PTPRN2: variants seen among roughly 807,000 people sequenced by gnomAD.
PTPRN2 encodes the protein receptor-type tyrosine-protein phosphatase N2.
In PTPRN2, 74 loss-of-function variants were observed where a neutral mutation model predicts 118.8. The observed-to-expected ratio is 0.62, with a 90% CI of 0.52 to 0.76. PTPRN2 has a LOEUF of 0.76. PTPRN2 is among the 30% of genes least tolerant of loss of function. The pLI is 0.00. For synonymous variants in PTPRN2, 641 were observed against 608.0 expected, an observed-to-expected ratio of 1.05 and a Z score of -0.80; for missense variants, 1,481 against 1,394.4, an observed-to-expected ratio of 1.06 and a Z score of -0.99.
At chr7:157,584,239 ATC>A (rs1800542942) in intron 17 of PTPRN2, among the ~76,000 whole-genome samples, 1 of 152,094 alleles carries the variant, frequency 6.6e-6, no homozygotes, top group South Asian at 2.1e-4. Context: ...TTCTACTTAG[ATC>A]TTTTGTGATG....
intron 6 of PTPRN2, among the ~76,000 whole-genome samples, chr7:158,164,455 G>A (rs1431847874): frequency 8.6e-5 from 11 of 127,786 alleles, no homozygotes; most frequent in African/African-American, 2.6e-4. Context: ...GGAAGGACAC[G>A]CAGAGCAGGA....
rs1563389127 is a variant in PTPRN2, at chr7:158,071,068, CGTGGTGGTGGAGGTGCCCGTG to C, written c.1723+10209_1723+10229del. Among the ~76,000 whole-genome samples the C allele has an allele frequency of 6.3e-4, 34 of 53,574 alleles. 1 individual carries two copies. Among genetic ancestry groups the C allele is most frequent in the African/African-American group, 2.4e-3 (20 of 8,470 alleles). The allele number at this position is 53,574 out of a possible 152,430, so 35.1% of individuals were successfully genotyped here. The stretch of plus-strand genomic sequence containing the variant: ...AGGTGCTCATGGTGGTGGAGGTGCT[CGTGGTGGTGGAGGTGCCCGTG>C]GTGGTGGAGGTGCTCGTGGTGGTGG... On this transcript the variant is annotated intron_variant, in intron 11 of 22. Transcript: ENST00000389418.
At chr7:158,147,498 C>T (rs1398572741) in intron 6 of PTPRN2, among the ~76,000 whole-genome samples, 2 of 118,192 alleles carry the variant, frequency 1.7e-5, no homozygotes, top group Non-Finnish European at 1.7e-5. Context: ...GACACCCCAT[C>T]TCACGCCACA....
At chr7:158,118,592 G>T (rs894336632) in intron 9 of PTPRN2, among the ~76,000 whole-genome samples, 7 of 152,112 alleles carry the variant, frequency 4.6e-5, no homozygotes, top group Non-Finnish European at 8.8e-5. Flanking sequence ...CCAATCAAAA[G>T]ACAGAGATTA....
chr7:158,341,281 C>G (rs1445256923), intron 2 of PTPRN2, among the ~76,000 whole-genome samples: 134 of 149,598 alleles, frequency 9.0e-4, no homozygotes, highest in Non-Finnish European at 1.6e-3. Flanking sequence ...CACACTCTCA[C>G]CATAAGAGCC....
chr7:158,080,579 TA>T (rs372522598), intron 11 of PTPRN2, among the ~76,000 whole-genome samples: 109 of 141,812 alleles, frequency 7.7e-4, no homozygotes, highest in Admixed American at 7.7e-4. Context: ...TCAACAAGTT[TA>T]AAAAAAAAAA....
chr7:158,083,218 A>G (rs1192547285), intron 10 of PTPRN2, among the ~76,000 whole-genome samples: 1 of 152,166 alleles, frequency 6.6e-6, no homozygotes, highest in Non-Finnish European at 1.5e-5. Context: ...TGAAGCATGC[A>G]TGATGATTTC....
chr7:158,288,828 G>T (rs1799927924), intron 3 of PTPRN2, among the ~76,000 whole-genome samples: 1 of 152,162 alleles, frequency 6.6e-6, no homozygotes. Flanking sequence ...TCAGCTTGAA[G>T]AACTCTCTTT....
chr7:158,283,125 G>T (rs777688181), intron 3 of PTPRN2, among the ~76,000 whole-genome samples: 2 of 152,196 alleles, frequency 1.3e-5, no homozygotes, highest in Non-Finnish European at 2.9e-5. Context: ...TGATGTCAGG[G>T]GAAGACGCAT....
chr7:158,452,146 T>C (rs1388175708), intron 2 of PTPRN2, among the ~76,000 whole-genome samples: 1 of 152,240 alleles, frequency 6.6e-6, no homozygotes, highest in African/African-American at 2.4e-5. Context: ...CCACTCTGGC[T>C]TAAGTGTCCC....
At position 157,841,347 on chromosome 7, in the gene PTPRN2, A is replaced by G. The variant is rs77007242; in HGVS notation, c.1788+57326T>C. 5.4e-3 allele frequency among the ~76,000 whole-genome samples: 817 copies of G among 152,352 alleles called. 7 individuals are homozygous for G. The highest frequency in any genetic ancestry group is 0.019 in the African/African-American group (772 of 41,582). ...CATTATCTAAAGTGCAGAGCCCCAC[A>G]TGGTGGGAAGCTCAAATGCTCACTA... On this transcript the variant is annotated intron_variant, in intron 12 of 22. Coordinates refer to ENST00000389418, the MANE Select transcript of PTPRN2 (RefSeq NM_002847.5).
intron 1 of PTPRN2, among the ~76,000 whole-genome samples, chr7:158,538,613 G>C (rs530891556): frequency 6.6e-6 from 1 of 152,296 alleles, no homozygotes; most frequent in East Asian, 1.9e-4. Context: ...CAGCGCCCTA[G>C]GCACTGAGAA....
intron 11 of PTPRN2, among the ~76,000 whole-genome samples, chr7:158,057,092 C>T (rs1023836774): frequency 2.0e-5 from 3 of 152,240 alleles, no homozygotes; most frequent in Non-Finnish European, 4.4e-5. Flanking sequence ...CGCTGCCCAG[C>T]TCCCGATTCC....
chr7:157,648,510 C>T (rs1209462420), intron 14 of PTPRN2, among the ~76,000 whole-genome samples: 12 of 100,192 alleles, frequency 1.2e-4, no homozygotes, highest in South Asian at 4.2e-4. Context: ...ACCCATCCAG[C>T]GTGCACTGAA....
At chr7:158,314,562 G>A (rs1156393589) in intron 3 of PTPRN2, among the ~76,000 whole-genome samples, 1 of 152,268 alleles carries the variant, frequency 6.6e-6, no homozygotes, top group African/African-American at 2.4e-5. Flanking sequence ...TATGGAGCAG[G>A]AGCTGGGCCC....
intron 11 of PTPRN2, among the ~76,000 whole-genome samples, chr7:157,943,612 A>G (rs6966998): frequency 0.53 from 80,379 of 151,006 alleles, 22,469 homozygotes; most frequent in African/African-American, 0.69. Context: ...TGAGTCCTCC[A>G]CAAATGCTGA....
At chr7:157,705,626 T>C (rs1445618322) in intron 12 of PTPRN2, among the ~76,000 whole-genome samples, 1 of 151,502 alleles carries the variant, frequency 6.6e-6, no homozygotes, top group Non-Finnish European at 1.5e-5. Flanking sequence ...TGAGTGAATC[T>C]GACCTCAGTG....
At chr7:157,700,983 G>C (rs764152682) in intron 12 of PTPRN2, among the ~76,000 whole-genome samples, 5 of 152,202 alleles carry the variant, frequency 3.3e-5, no homozygotes, top group Non-Finnish European at 7.3e-5. Flanking sequence ...CACATGCACT[G>C]TCTCTCACAC....
At chr7:158,318,108 C>T (rs1034390606) in intron 2 of PTPRN2, among the ~76,000 whole-genome samples, 1 of 152,132 alleles carries the variant, frequency 6.6e-6, no homozygotes, top group African/African-American at 2.4e-5. Flanking sequence ...CGAGGCCACA[C>T]AAAGGCGGAG....
Sources: gnomAD v4.1 joint callset for allele counts (sites outside exome capture counted in the v4.1 genomes callset) on GRCh38, gnomAD v4.1.1 for gene constraint, MANE v1.5 for transcripts, NCBI Gene and HGNC (gene_info 2026-07-23, HGNC 2026-07-21) for gene names.